The following NPEPPS variants were observed in gnomAD, a reference collection of about 807,000 sequenced individuals.
NPEPPS encodes the protein aminopeptidase puromycin sensitive.
A neutral mutation model predicts 115.5 loss-of-function variants in NPEPPS; 14 were observed. The observed-to-expected ratio is 0.12, with a 90% CI of 0.08 to 0.19. NPEPPS has a LOEUF of 0.19. Among genes scored for constraint, NPEPPS ranks in the 10% least tolerant of loss-of-function variants. The pLI, the probability that NPEPPS is intolerant of heterozygous loss-of-function variation, is 1.00. For missense variants in NPEPPS, 523 were observed against 1,110.8 expected, an observed-to-expected ratio of 0.47 and a Z score of 7.52; for synonymous variants, 285 against 390.6, an observed-to-expected ratio of 0.73 and a Z score of 3.19.
intron 2 of NPEPPS, among the ~76,000 whole-genome samples, chr17:47,562,017 G>T (rs1910462735): frequency 6.6e-6 from 1 of 152,236 alleles, no homozygotes. Context: ...TGAACACGTG[G>T]AGGGTCCTGG....
chr17:47,550,327 G>C (rs4794371), intron 2 of NPEPPS, among the ~76,000 whole-genome samples: 64,146 of 134,844 alleles, frequency 0.48, 15,350 homozygotes, highest in Middle Eastern at 0.62. Context: ...GGGCATGTGT[G>C]TGTTTTTTTT....
intron 17 of NPEPPS, among the ~76,000 whole-genome samples, chr17:47,608,318 G>C (rs548739105): frequency 2.0e-5 from 3 of 152,320 alleles, no homozygotes; most frequent in South Asian, 2.1e-4. Context: ...AGCTGGGCAT[G>C]GTGGCACACG....
intron 7 of NPEPPS, 56 bp from the exon 8 acceptor site, chr17:47,586,309 C>T (rs750440381): frequency 1.6e-4 from 172 of 1,107,986 alleles, no homozygotes; most frequent in Non-Finnish European, 2.0e-4. Flanking sequence ...ACTTTTGATG[C>T]AAGAGTATAT....
intron 2 of NPEPPS, among the ~76,000 whole-genome samples, chr17:47,565,644 A>G (rs1910763244): frequency 6.6e-6 from 1 of 151,114 alleles, no homozygotes; most frequent in South Asian, 2.1e-4. Context: ...ACATGGTGAA[A>G]CCCCATGTCT....
At chr17:47,594,694 G>C (rs1314842150) in intron 12 of NPEPPS, among the ~76,000 whole-genome samples, 1 of 151,532 alleles carries the variant, frequency 6.6e-6, no homozygotes, top group Non-Finnish European at 1.5e-5. Flanking sequence ...GTGCAGTGGC[G>C]CGATCTCGGC....
chr17:47,544,711 CTTTTTTTTTT>C (rs938067387), intron 1 of NPEPPS, among the ~76,000 whole-genome samples: 2 of 114,232 alleles, frequency 1.8e-5, no homozygotes, highest in African/African-American at 3.3e-5. Flanking sequence ...TTTTTGTATT[CTTTTTTTTTT>C]TTTTTTTTTT....
chr17:47,595,634 G>T (rs1912816005), intron 12 of NPEPPS, among the ~76,000 whole-genome samples: 1 of 151,932 alleles, frequency 6.6e-6, no homozygotes, highest in Non-Finnish European at 1.5e-5. Flanking sequence ...CTTGAGCCCG[G>T]GATTTTGAGA....
At chr17:47,572,253 A>G (rs1911245832) in intron 3 of NPEPPS, among the ~76,000 whole-genome samples, 1 of 152,168 alleles carries the variant, frequency 6.6e-6, no homozygotes, top group Non-Finnish European at 1.5e-5. Flanking sequence ...TGTCTCTATA[A>G]AAAATAAAAT....
intron 12 of NPEPPS, among the ~76,000 whole-genome samples, chr17:47,594,412 CT>C (rs112592322): frequency 0.46 from 58,566 of 127,520 alleles, 11,484 homozygotes; most frequent in Admixed American, 0.54. Context: ...CTTTTCAATT[CT>C]TTTTTTTTTT....
Position 47,536,223 on chromosome 17 carries a change from C to T in NPEPPS, c.255+4668C>T, listed in dbSNP as rs537133105. On this transcript the variant is annotated intron_variant, in intron 1 of 22. Transcript: ENST00000322157. ...GAAATCAGGATATCCTAGCCAACCCCTGGCCTCTACTAACAAAATATACAT... is the reference window on the plus strand; with the variant it reads ...GAAATCAGGATATCCTAGCCAACCCTTGGCCTCTACTAACAAAATATACAT... Among the ~76,000 whole-genome samples the T allele has an allele frequency of 3.2e-4, 48 of 152,196 alleles. 1 individual carries two copies. Among genetic ancestry groups the T allele is most frequent in the African/African-American group, 9.1e-4 (38 of 41,534 alleles).
At chr17:47,588,046 G>T (rs1912296889) in intron 9 of NPEPPS, among the ~76,000 whole-genome samples, 1 of 151,614 alleles carries the variant, frequency 6.6e-6, no homozygotes, top group African/African-American at 2.4e-5. Flanking sequence ...TAAATAACTG[G>T]ATATTCTGGA....
At chr17:47,609,805 T>C (rs763360141) in intron 17 of NPEPPS, among the ~76,000 whole-genome samples, 6 of 152,208 alleles carry the variant, frequency 3.9e-5, no homozygotes, top group Non-Finnish European at 8.8e-5. Flanking sequence ...TTTATATACA[T>C]AGAATCATAC....
chr17:47,567,199 A>G (rs1910877761), intron 2 of NPEPPS, among the ~76,000 whole-genome samples: 1 of 152,346 alleles, frequency 6.6e-6, no homozygotes, highest in South Asian at 2.1e-4. Flanking sequence ...ACAAACCATT[A>G]ACTTTATATG....
intron 1 of NPEPPS, among the ~76,000 whole-genome samples, chr17:47,539,537 A>G (rs1252595787): frequency 1.3e-5 from 2 of 150,424 alleles, no homozygotes; most frequent in African/African-American, 4.9e-5. Flanking sequence ...TTGGGGGGGG[A>G]ATAAAATGTC....
intron 1 of NPEPPS, among the ~76,000 whole-genome samples, chr17:47,535,217 T>G (rs1597807561): frequency 1.0e-5 from 1 of 95,942 alleles, no homozygotes; most frequent in Non-Finnish European, 1.9e-5. Flanking sequence ...CACTCCAGCC[T>G]GGGCAACAGA....
chr17:47,580,087 G>A (rs1174936494), intron 4 of NPEPPS: 1 of 152,072 alleles, frequency 6.6e-6, no homozygotes, highest in Non-Finnish European at 1.5e-5. Context: ...GTATTTTTAA[G>A]TGTTAAATCT....
intron 13 of NPEPPS, among the ~76,000 whole-genome samples, chr17:47,598,443 T>C (rs1488578803): frequency 6.6e-6 from 1 of 152,108 alleles, no homozygotes; most frequent in Non-Finnish European, 1.5e-5. Flanking sequence ...AGCACTGCAG[T>C]CCATCCTGGG....
intron 22 of NPEPPS, 136 bp downstream of exon 22, chr17:47,619,920 G>A (rs1215200934): frequency 2.9e-6 from 2 of 689,990 alleles, no homozygotes; most frequent in African/African-American, 1.8e-5. Context: ...ATGCAGGGCT[G>A]TATAGGCCAT....
At chr17:47,554,732 C>T (rs1343804324) in intron 2 of NPEPPS, among the ~76,000 whole-genome samples, 1 of 152,162 alleles carries the variant, frequency 6.6e-6, no homozygotes, top group African/African-American at 2.4e-5. Context: ...CATCACTACT[C>T]TTGTGCTTTG....
Sources: allele counts gnomAD v4.1 joint callset (sites outside exome capture counted in the v4.1 genomes callset), GRCh38; gene constraint gnomAD v4.1.1; transcripts MANE v1.5; gene names NCBI Gene and HGNC (gene_info 2026-07-23, HGNC 2026-07-21).